The following FAAH2 variants were observed in gnomAD, a reference collection of about 807,000 sequenced individuals.
FAAH2 encodes the protein fatty acid amide hydrolase 2, also known as fatty-acid amide hydrolase 2.
A neutral mutation model predicts 36.9 loss-of-function variants in FAAH2; 60 were observed. That is an observed-to-expected ratio of 1.63 (90% confidence interval 1.32 to 2.02). The LOEUF is 2.02. FAAH2 is among the 30% of genes most tolerant of loss of function. The pLI is 0.00. For synonymous variants in FAAH2, 214 were observed against 143.8 expected, an observed-to-expected ratio of 1.49 and a Z score of -3.49; for missense variants, 689 against 397.5, an observed-to-expected ratio of 1.73 and a Z score of -6.23.
the FAAH2 span, among the ~76,000 whole-genome samples, chrX:57,173,457 T>C: frequency 8.9e-6 from 1 of 112,307 alleles, no homozygotes; most frequent in African/African-American, 3.2e-5. Flanking sequence ...AATTCACTTA[T>C]CAGATGAAGG....
At chrX:57,475,043 T>G (rs1415386410) in intron 10 of FAAH2, among the ~76,000 whole-genome samples, 1 of 112,082 alleles carries the variant, frequency 8.9e-6, no homozygotes, top group Non-Finnish European at 1.9e-5. Context: ...TTTGATGGGA[T>G]TTTTTGTATC....
At chrX:57,392,344 C>T (rs1250851117) in intron 7 of FAAH2, among the ~76,000 whole-genome samples, 1 of 111,326 alleles carries the variant, frequency 9.0e-6, no homozygotes, top group Admixed American at 9.6e-5. Context: ...AGTGGAGATC[C>T]TTGTCTTTTT....
chrX:57,161,955 T>C, the FAAH2 span, among the ~76,000 whole-genome samples: 2 of 105,030 alleles, frequency 1.9e-5, no homozygotes, highest in Non-Finnish European at 4.0e-5. Context: ...CTTCCTAGTC[T>C]TGATGGTCTT....
chrX:57,296,274 C>A (rs1240727256), intron 2 of FAAH2, among the ~76,000 whole-genome samples: 1 of 111,322 alleles, frequency 9.0e-6, no homozygotes, highest in Non-Finnish European at 1.9e-5. Context: ...AACGATCAGG[C>A]AGCAGCATTT....
intron 7 of FAAH2, among the ~76,000 whole-genome samples, chrX:57,420,738 C>A (rs959288878): frequency 1.4e-4 from 15 of 107,863 alleles, no homozygotes; most frequent in South Asian, 4.3e-4. Flanking sequence ...ATTGCCCTGG[C>A]CAGAACTTCC....
the FAAH2 span, among the ~76,000 whole-genome samples, chrX:57,152,473 G>A: frequency 7.1e-5 from 8 of 112,549 alleles, no homozygotes; most frequent in Non-Finnish European, 1.5e-4. Flanking sequence ...GCAATGGCAG[G>A]CGCCCCTCCC....
At chrX:57,233,985 C>T in the FAAH2 span, among the ~76,000 whole-genome samples, 1 of 112,486 alleles carries the variant, frequency 8.9e-6, no homozygotes, top group Admixed American at 9.4e-5. Flanking sequence ...TAGAAAATCT[C>T]CAGTGTGGGG....
At chrX:57,208,118 G>A in the FAAH2 span, among the ~76,000 whole-genome samples, 1,056 of 112,485 alleles carry the variant, frequency 9.4e-3, 10 homozygotes, top group African/African-American at 0.032. Flanking sequence ...GCGGTCGCTC[G>A]AGGCACTATT....
chrX:57,253,158 G>A, the FAAH2 span, among the ~76,000 whole-genome samples: 1 of 110,701 alleles, frequency 9.0e-6, no homozygotes, highest in East Asian at 2.8e-4. Context: ...GCTTAAGAAA[G>A]GATATCAGTG....
At chrX:57,161,231 G>A in the FAAH2 span, among the ~76,000 whole-genome samples, 12 of 111,930 alleles carry the variant, frequency 1.1e-4, no homozygotes, top group African/African-American at 3.6e-4. Context: ...GAGACAGTTT[G>A]TTATAATTTC....
At chrX:57,170,459 G>A in the FAAH2 span, among the ~76,000 whole-genome samples, 49,487 of 110,068 alleles carry the variant, frequency 0.45, 11,203 homozygotes, top group African/African-American at 0.88. Context: ...TTTGGTAACT[G>A]TAGGGGTACA....
chrX:57,195,636 G>A, the FAAH2 span, among the ~76,000 whole-genome samples: 1 of 111,719 alleles, frequency 9.0e-6, no homozygotes, highest in African/African-American at 3.3e-5. Context: ...CTGTGTTTTT[G>A]TTGCATTTAC....
At chrX:57,255,392 A>T in the FAAH2 span, among the ~76,000 whole-genome samples, 1 of 112,235 alleles carries the variant, frequency 8.9e-6, no homozygotes, top group East Asian at 2.8e-4. Context: ...TCTGATGAGT[A>T]GAAAAAGAGG....
chrX:57,347,908 A>T (rs1242443657), intron 5 of FAAH2, among the ~76,000 whole-genome samples: 1 of 110,272 alleles, frequency 9.1e-6, no homozygotes, highest in African/African-American at 3.3e-5. Context: ...AATGGCTGGT[A>T]GATAGGCGCT....
At chrX:57,414,109 G>T (rs1394436194) in intron 7 of FAAH2, among the ~76,000 whole-genome samples, 1 of 111,660 alleles carries the variant, frequency 9.0e-6, no homozygotes, top group Non-Finnish European at 1.9e-5. Context: ...GGAGATTTTG[G>T]GTTGAGACTA....
chrX:57,431,928 A>G lies in FAAH2; in HGVS notation c.1007A>G (p.His336Arg). Reference protein sequence around the residue: ...LIMTQKKVVVHLETILGASVQ... With the variant: ...LIMTQKKVVVRLETILGASVQ... The stretch of plus-strand genomic sequence containing the variant: ...TCTTTCTTTTATAAGGTTGTGGTTC[A>G]CCTTGAAACTATTCTAGGAGCCTCA... Residue 336 changes from histidine (H) to arginine (R), a missense_variant, in exon 8 of 11, where the codon CAC becomes CGC. Transcript: ENST00000374900. The G allele has an allele frequency of 1.7e-6, 2 of 1,196,718 alleles. No homozygotes were observed. Among genetic ancestry groups the G allele is most frequent in the Non-Finnish European group, 1.1e-6 (1 of 886,863 alleles).
intron 7 of FAAH2, among the ~76,000 whole-genome samples, chrX:57,429,424 AAC>A (rs1277928334): frequency 9.0e-6 from 1 of 111,637 alleles, no homozygotes; most frequent in Non-Finnish European, 1.9e-5. Flanking sequence ...ATGGCCAACA[AAC>A]ACATAAAAAA....
chrX:57,152,739 C>T, the FAAH2 span, among the ~76,000 whole-genome samples: 27 of 111,896 alleles, frequency 2.4e-4, no homozygotes, highest in African/African-American at 8.8e-4. Flanking sequence ...ATGCCTCGCC[C>T]TGCTTTAGCT....
chrX:57,362,020 G>A (rs2054296876), intron 5 of FAAH2, among the ~76,000 whole-genome samples: 1 of 111,211 alleles, frequency 9.0e-6, no homozygotes, highest in South Asian at 3.8e-4. Context: ...CAGACTATCA[G>A]AGCTCCTCAT....
Sources: gnomAD v4.1 joint callset for allele counts (sites outside exome capture counted in the v4.1 genomes callset) on GRCh38, gnomAD v4.1.1 for gene constraint, MANE v1.5 for transcripts, NCBI Gene and HGNC (gene_info 2026-07-23, HGNC 2026-07-21) for gene names.